The following SPATA16 variants were observed in gnomAD, a reference collection of about 807,000 sequenced individuals.
The protein encoded by SPATA16 is spermatogenesis associated 16.
SPATA16 carries 36 observed loss-of-function variants against 63.3 expected under a neutral mutation model. That is an observed-to-expected ratio of 0.57 (90% confidence interval 0.44 to 0.75). SPATA16 has a LOEUF of 0.75. Ranked by LOEUF, SPATA16 falls within the 30% of genes least tolerant of loss-of-function variation. The pLI is 0.00. For missense variants in SPATA16, 646 were observed against 679.3 expected (o/e 0.95, Z 0.54); for synonymous variants, 203 against 216.7 (o/e 0.94, Z 0.56).
intron 2 of SPATA16, among the ~76,000 whole-genome samples, chr3:173,059,579 C>T (rs1381957779): frequency 6.6e-6 from 1 of 151,646 alleles, no homozygotes; most frequent in African/African-American, 2.4e-5. Context: ...AAAGTTTGGG[C>T]TATTATTTTT....
At chr3:172,896,378 G>A (rs1732009063) in intron 10 of SPATA16, among the ~76,000 whole-genome samples, 1 of 152,024 alleles carries the variant, frequency 6.6e-6, no homozygotes, top group Admixed American at 6.6e-5. Context: ...CCGCCACCAC[G>A]CCTGGCTAAT....
chr3:173,074,927 G>T (rs59530857), intron 2 of SPATA16, among the ~76,000 whole-genome samples: 2 of 149,034 alleles, frequency 1.3e-5, no homozygotes, highest in African/African-American at 5.0e-5. Context: ...GAACCCGGGA[G>T]GCAGAGATTG....
chr3:172,919,601 G>T (rs6787820), intron 8 of SPATA16, among the ~76,000 whole-genome samples: 2,932 of 152,114 alleles, frequency 0.019, 30 homozygotes, highest in Middle Eastern at 0.058. Flanking sequence ...GAAAATTCAT[G>T]TTCTTTAGCA....
chr3:173,064,201 G>A (rs1401029534), intron 2 of SPATA16, among the ~76,000 whole-genome samples: 7 of 151,424 alleles, frequency 4.6e-5, no homozygotes, highest in Non-Finnish European at 5.9e-5. Flanking sequence ...CCAGCTACTC[G>A]GGAGGCTGAG....
At chr3:173,086,181 G>A (rs1737047263) in intron 2 of SPATA16, among the ~76,000 whole-genome samples, 1 of 151,862 alleles carries the variant, frequency 6.6e-6, no homozygotes, top group Admixed American at 6.6e-5. Flanking sequence ...TTTTTTGCTT[G>A]GTAGACTATT....
At chr3:173,116,373 C>T (rs1393217008) in intron 2 of SPATA16, among the ~76,000 whole-genome samples, 1 of 152,170 alleles carries the variant, frequency 6.6e-6, no homozygotes, top group Non-Finnish European at 1.5e-5. Context: ...AATATGCACT[C>T]ATCAACAAAG....
chr3:173,088,114 CTTGCACTG>C lies in SPATA16; in HGVS notation c.612+28998_612+29005del, dbSNP rs564873189. On this transcript the variant is annotated intron_variant, in intron 2 of 10. Transcript: ENST00000351008. ...TTTTTTTTTTTTTTTGAGATGGAGTCTTGCACTGTTGCCAGGCTGAACTGCAGTGGTGT... is the reference window on the plus strand; with the variant it reads ...TTTTTTTTTTTTTTTGAGATGGAGTCTTGCCAGGCTGAACTGCAGTGGTGT... Among the ~76,000 whole-genome samples, 82 of 110,308 alleles carry C rather than the reference CTTGCACTG, an allele frequency of 7.4e-4. 1 individual carries two copies. The highest frequency in any genetic ancestry group is 3.0e-3 in the African/African-American group (79 of 26,692). 72.4% of individuals were successfully genotyped at this position (110,308 alleles called of 152,430 possible).
chr3:173,052,688 G>A (rs1736131299), intron 2 of SPATA16, among the ~76,000 whole-genome samples: 1 of 152,282 alleles, frequency 6.6e-6, no homozygotes, highest in African/African-American at 2.4e-5. Flanking sequence ...ATAGACATTT[G>A]TATAGACTGA....
chr3:172,956,066 A>AAATCCTCCTC (rs1577105246), intron 6 of SPATA16, among the ~76,000 whole-genome samples: 1 of 152,278 alleles, frequency 6.6e-6, no homozygotes, highest in East Asian at 1.9e-4. Context: ...AATGCCAAAA[A>AAATCCTCCTC]AATCCTCCTC....
At chr3:173,073,620 G>A (rs547485704) in intron 2 of SPATA16, among the ~76,000 whole-genome samples, 64 of 152,368 alleles carry the variant, frequency 4.2e-4, no homozygotes, top group Non-Finnish European at 6.6e-4. Context: ...CTAGATTTTA[G>A]AGGATGTATG....
At chr3:173,076,698 T>C (rs1270430007) in intron 2 of SPATA16, among the ~76,000 whole-genome samples, 6 of 152,164 alleles carry the variant, frequency 3.9e-5, no homozygotes, top group Non-Finnish European at 8.8e-5. Context: ...ATTGTGACTT[T>C]TTAAAGAGTT....
intron 6 of SPATA16, among the ~76,000 whole-genome samples, chr3:172,937,721 G>T (rs1270027595): frequency 6.6e-6 from 1 of 152,132 alleles, no homozygotes; most frequent in East Asian, 1.9e-4. Context: ...ATTTTATTTT[G>T]TAGATCAGTG....
chr3:172,915,050 C>A (rs1179921522), intron 9 of SPATA16, among the ~76,000 whole-genome samples: 2 of 152,028 alleles, frequency 1.3e-5, no homozygotes, highest in African/African-American at 4.8e-5. Flanking sequence ...GAGCATTAAT[C>A]ATCTAAAATA....
chr3:173,137,437 A>G (rs922409190), intron 1 of SPATA16, among the ~76,000 whole-genome samples: 2 of 152,208 alleles, frequency 1.3e-5, no homozygotes, highest in African/African-American at 4.8e-5. Context: ...ACGATGTTAG[A>G]CAAATTCTAT....
At chr3:173,094,142 T>A (rs1185398010) in intron 2 of SPATA16, among the ~76,000 whole-genome samples, 5 of 151,988 alleles carry the variant, frequency 3.3e-5, no homozygotes, top group African/African-American at 1.2e-4. Flanking sequence ...AAAAGTGCAA[T>A]CTGGCTTAAT....
intron 5 of SPATA16, among the ~76,000 whole-genome samples, chr3:172,970,065 T>TA (rs1734013683): frequency 6.6e-6 from 1 of 152,180 alleles, no homozygotes; most frequent in African/African-American, 2.4e-5. Flanking sequence ...CGCTGAGTTT[T>TA]AGAGTGGTTT....
intron 3 of SPATA16, among the ~76,000 whole-genome samples, chr3:173,030,830 C>T (rs1449110179): frequency 1.3e-5 from 2 of 151,998 alleles, no homozygotes; most frequent in Admixed American, 6.6e-5. Context: ...AGCAACCCAA[C>T]GTCCATTGAT....
In SPATA16 at chr3:172,979,011, G is replaced by T. The variant is rs533316539; in HGVS notation, c.849-1959C>A. Among the ~76,000 whole-genome samples, 6 of 152,314 alleles carry T rather than the reference G, an allele frequency of 3.9e-5. No individual in the cohort carries two copies. In the East Asian group the frequency reaches 1.2e-3, roughly 29 times the overall value. The stretch of plus-strand genomic sequence containing the variant: ...CCAGCACTTTGGGAGGCCGAGGTCG[G>T]CGGATCATGAGGTCAGGAGATCGAG... On this transcript the variant is annotated intron_variant, in intron 4 of 10. Transcript: ENST00000351008.
intron 4 of SPATA16, among the ~76,000 whole-genome samples, chr3:173,008,529 T>C (rs1255378837): frequency 6.6e-6 from 1 of 152,208 alleles, no homozygotes; most frequent in African/African-American, 2.4e-5. Context: ...ATGATATTAC[T>C]TGTTTAAAAT....
Sources: gnomAD v4.1 joint callset for allele counts (sites outside exome capture counted in the v4.1 genomes callset) on GRCh38, gnomAD v4.1.1 for gene constraint, MANE v1.5 for transcripts, NCBI Gene and HGNC (gene_info 2026-07-23, HGNC 2026-07-21) for gene names.